SCML4: variants seen among roughly 807,000 people sequenced by gnomAD.
The protein encoded by SCML4 is sex comb on midleg-like protein 4.
Under a neutral mutation model 41.1 loss-of-function variants are expected in SCML4, and 34 were observed. That is an observed-to-expected ratio of 0.83 (90% confidence interval 0.63 to 1.10). The LOEUF (loss-of-function observed/expected upper bound fraction) is 1.10. Among genes scored for constraint, SCML4 ranks in the 50% least tolerant of loss-of-function variants. The probability of loss-of-function intolerance (pLI) is 0.00; values close to 1 mark genes in which losing one functional copy is unlikely to be tolerated. For missense variants in SCML4, 522 were observed against 534.1 expected, an observed-to-expected ratio of 0.98 and a Z score of 0.22; for synonymous variants, 214 against 220.9, an observed-to-expected ratio of 0.97 and a Z score of 0.28.
intron 2 of SCML4, among the ~76,000 whole-genome samples, chr6:107,766,718 G>C (rs1468615949): frequency 6.6e-6 from 1 of 152,180 alleles, no homozygotes; most frequent in Non-Finnish European, 1.5e-5. Context: ...CCAGCCCTGG[G>C]TGCATGGGCA....
chr6:107,720,020 GAC>G (rs2114397821), intron 6 of SCML4: 1 of 985,486 alleles, frequency 1.0e-6, no homozygotes, highest in Admixed American at 6.1e-5. Context: ...TAGTGGATGA[GAC>G]AGAAGTGGCA....
intron 5 of SCML4, among the ~76,000 whole-genome samples, chr6:107,734,789 GC>G (rs1210855809): frequency 6.6e-6 from 1 of 152,152 alleles, no homozygotes; most frequent in Non-Finnish European, 1.5e-5. Context: ...GGCCTCTATG[GC>G]CCTAAGTGTC....
chr6:107,711,706 AT>A (rs1384152490), intron 6 of SCML4, among the ~76,000 whole-genome samples: 1 of 152,154 alleles, frequency 6.6e-6, no homozygotes, highest in Non-Finnish European at 1.5e-5. Flanking sequence ...CTTTACTTCT[AT>A]TTTAAGGCTA....
chr6:107,740,300 A>T (rs556715420), intron 5 of SCML4: 47 of 389,918 alleles, frequency 1.2e-4, no homozygotes, highest in African/African-American at 9.4e-4. Flanking sequence ...TTTTACACCA[A>T]CAGATGACCA....
chr6:107,702,489 A>G lies in SCML4; in HGVS notation c.*2711T>C, dbSNP rs908203860. ...TGAAAACTTGATACTGGAAGTCACTACATGAGGTATCTGTTGATGGAAGAG... is the reference window on the plus strand; with the variant it reads ...TGAAAACTTGATACTGGAAGTCACTGCATGAGGTATCTGTTGATGGAAGAG... On this transcript the variant is annotated 3_prime_UTR_variant, in exon 8 of 8. Coordinates refer to ENST00000369020, the MANE Select transcript of SCML4 (RefSeq NM_198081.5). Among the ~76,000 whole-genome samples the G allele has an allele frequency of 6.6e-6, 1 of 152,198 alleles. No homozygotes were observed. The highest frequency in any genetic ancestry group is 6.5e-5 in the Admixed American group (1 of 15,274).
In SCML4 at chr6:107,805,354, G is replaced by A. The variant is rs183054460; in HGVS notation, c.-60+18772C>T. ...TTCTAAGACAGTGCCTAAAATACAG[G>A]GATAACAAAGTCTAAATGAATAAAT... On this transcript the variant is annotated intron_variant, in intron 1 of 7. Transcript: ENST00000369020. Among the ~76,000 whole-genome samples the A allele has an allele frequency of 2.8e-4, 42 of 152,196 alleles. No individual in the cohort carries two copies. In the South Asian group the frequency reaches 5.2e-3, roughly 19 times the overall value.
At chr6:107,822,317 TAG>T (rs1785000213) in intron 1 of SCML4, among the ~76,000 whole-genome samples, 1 of 152,138 alleles carries the variant, frequency 6.6e-6, no homozygotes, top group African/African-American at 2.4e-5. Flanking sequence ...TGCTGCTTGC[TAG>T]AGGAGACAGC....
intron 1 of SCML4, among the ~76,000 whole-genome samples, chr6:107,820,715 G>A (rs147072650): frequency 2.7e-3 from 408 of 152,324 alleles, no homozygotes; most frequent in Non-Finnish European, 5.0e-3. Context: ...AGGGCGTTCG[G>A]ACTTGGTATG....
At chr6:107,738,525 G>C (rs1040962662) in intron 5 of SCML4, among the ~76,000 whole-genome samples, 1 of 152,042 alleles carries the variant, frequency 6.6e-6, no homozygotes, top group Admixed American at 6.6e-5. Context: ...GGAGGCTGAG[G>C]CTGGAGAATT....
At chr6:107,781,223 A>G (rs762732579) in intron 1 of SCML4, among the ~76,000 whole-genome samples, 7 of 152,192 alleles carry the variant, frequency 4.6e-5, no homozygotes, top group Non-Finnish European at 7.3e-5. Context: ...AAAAATTAGA[A>G]ACAAACCCAG....
At chr6:107,762,999 C>T (rs1212372635) in intron 2 of SCML4, among the ~76,000 whole-genome samples, 2 of 148,244 alleles carry the variant, frequency 1.3e-5, no homozygotes, top group East Asian at 4.1e-4. Context: ...CCTTCCACCT[C>T]AGTCTCCCAA....
At chr6:107,826,994 C>T (rs563524987), upstream of SCML4, among the ~76,000 whole-genome samples, 21 of 151,866 alleles carry the variant, frequency 1.4e-4, no homozygotes, top group East Asian at 3.9e-4. Flanking sequence ...ACCCGGGAGG[C>T]GGAGCTTGCA....
At chr6:107,826,683 C>T (rs1785268730), upstream of SCML4, among the ~76,000 whole-genome samples, 1 of 152,164 alleles carries the variant, frequency 6.6e-6, no homozygotes, top group Non-Finnish European at 1.5e-5. Context: ...CTACTGTTGT[C>T]CTTGTCCTCA....
chr6:107,729,459 C>T (rs1776319258), intron 5 of SCML4, among the ~76,000 whole-genome samples: 1 of 152,228 alleles, frequency 6.6e-6, no homozygotes, highest in Non-Finnish European at 1.5e-5. Context: ...TTCAGTATGA[C>T]TTCCCTTTCA....
Position 107,749,797 on chromosome 6 carries a change from A to T in SCML4, c.173T>A (p.Leu58His). 2 of 1,614,132 alleles carry T rather than the reference A, an allele frequency of 1.2e-6. No individual in the cohort carries two copies. Among genetic ancestry groups the T allele is most frequent in the Non-Finnish European group, 1.7e-6 (2 of 1,179,974 alleles). The change falls in exon 3 of 8, where the codon CTC (leucine) becomes CAC (histidine). Residue 58 changes from leucine to histidine, a missense_variant. Leu to His is a moderately conservative substitution (Grantham distance 99, BLOSUM62 -3). Transcript: ENST00000369020. ...AGGTGAGAGGGCTAAGGGAGTCATG[A>T]GAACCCGAGACTTGATCTGGAAGAG... ...KPGYKIKSRV[L>H]MTPLALSPPR...
At chr6:107,787,263 C>G (rs1011615713) in intron 1 of SCML4, among the ~76,000 whole-genome samples, 9 of 152,198 alleles carry the variant, frequency 5.9e-5, no homozygotes, top group African/African-American at 2.2e-4. Flanking sequence ...AATAGAACAA[C>G]ATAATTATTT....
At chr6:107,750,081 G>A (rs760370287) in intron 2 of SCML4, among the ~76,000 whole-genome samples, 52 of 152,200 alleles carry the variant, frequency 3.4e-4, no homozygotes, top group Non-Finnish European at 6.5e-4. Context: ...AGCACACAGA[G>A]GTGTGAAGAG....
At chr6:107,822,508 C>CTTTTTTTTTTTTTTTT (rs10677944) in intron 1 of SCML4, among the ~76,000 whole-genome samples, 25 of 137,990 alleles carry the variant, frequency 1.8e-4, no homozygotes, top group East Asian at 6.1e-4. Context: ...TTTTTCTTTT[C>CTTTTTTTTTTTTTTTT]TTTTTTTTTT....
intron 1 of SCML4, among the ~76,000 whole-genome samples, chr6:107,797,041 T>C (rs750871910): frequency 3.3e-5 from 5 of 152,158 alleles, no homozygotes; most frequent in African/African-American, 1.2e-4. Context: ...TTTATACTTA[T>C]GCCAATTCCA....
Sources: gnomAD v4.1 joint callset for allele counts (sites outside exome capture counted in the v4.1 genomes callset) on GRCh38, gnomAD v4.1.1 for gene constraint, MANE v1.5 for transcripts, NCBI Gene and HGNC (gene_info 2026-07-23, HGNC 2026-07-21) for gene names.